The following PLXNB2 variants were observed in gnomAD, a reference collection of about 807,000 sequenced individuals.
PLXNB2 encodes plexin-B2.
PLXNB2 carries 85 observed loss-of-function variants against 202.6 expected under a neutral mutation model. That is an observed-to-expected ratio of 0.42 (90% CI 0.35 to 0.50). The LOEUF (loss-of-function observed/expected upper bound fraction) is 0.50, where lower values mean the gene tolerates loss of function less well. Among genes scored for constraint, PLXNB2 ranks in the 20% least tolerant of loss-of-function variants. PLXNB2 has a pLI of 0.02. For missense variants in PLXNB2, 2,063 were observed against 2,586.2 expected (o/e 0.80, Z 4.39); for synonymous variants, 1,239 against 1,137.6 (o/e 1.09, Z -1.79).
intron 34 of PLXNB2, 51 bp from the exon 35 acceptor site, chr22:50,276,755 G>A: frequency 1.3e-6 from 2 of 1,597,968 alleles, no homozygotes; most frequent in Non-Finnish European, 8.6e-7. Context: ...CCACAAAGGG[G>A]GTGGTGGGGG....
chr22:50,279,905 G>A (rs2147354170), intron 26 of PLXNB2, 100 bp downstream of exon 26: 5 of 1,398,530 alleles, frequency 3.6e-6, no homozygotes, highest in East Asian at 2.3e-5. Context: ...TGTCCAGGCA[G>A]GGCCCACCTC....
rs1170507545 is a variant in PLXNB2, at chr22:50,278,168, C to T, written c.4836G>A (p.Glu1612=). Residue 1612 remains glutamate (E), a synonymous_variant, in exon 31 of 37, where the codon GAG becomes GAA. Transcript: ENST00000359337. The part of the protein sequence containing the change: ...KSKRGSVKEK[E]RTKAITEIYL... ...AGATCTCGGTGATGGCCTTCGTCCG[C>T]TCCTTCTCTTTCACGCTGCCTCTCT... The T allele has an allele frequency of 6.9e-6, 11 of 1,601,302 alleles. No homozygotes were observed. The highest frequency in any genetic ancestry group is 1.4e-5 in the African/African-American group (1 of 73,930).
At chr22:50,279,508 C>T (rs895385438) in intron 27 of PLXNB2, 122 bp downstream of exon 27, 5 of 975,826 alleles carry the variant, frequency 5.1e-6, no homozygotes, top group Non-Finnish European at 7.8e-6. Flanking sequence ...CAGGCTGTAA[C>T]TCGAATCCAC....
Position 50,291,552 on chromosome 22 carries a change from G to T in PLXNB2, c.-13-955C>A, listed in dbSNP as rs2066871136. Among the ~76,000 whole-genome samples the T allele has an allele frequency of 6.6e-6, 1 of 152,100 alleles. No homozygotes were observed. Among genetic ancestry groups the T allele is most frequent in the African/African-American group, 2.4e-5 (1 of 41,410 alleles). On this transcript the variant is annotated intron_variant, in intron 2 of 36. Coordinates refer to ENST00000359337, the MANE Select transcript of PLXNB2 (RefSeq NM_012401.4). The surrounding 1 kb of genome is among the most constrained non-coding windows in gnomAD (Gnocchi z 4.3). ...AGGAGGAAGATCCAAGGCCCCACAG[G>T]TGGACCCAGGACATGCGTGGTCCTC...
In PLXNB2 at chr22:50,278,501, G is replaced by C; in HGVS notation, c.4666C>G (p.Leu1556Val). 1 of 1,566,128 alleles carries C rather than the reference G, an allele frequency of 6.4e-7. No individual in the cohort carries two copies. ...MHYNVRDGAT[L>V]ILSKVGVSQQ... Reference sequence around the variant, plus strand: ...GAGACCCCCACCTTGGACAGGATGAGGGTGGCTCCATCCCGGACCTGGGGA... The same window carrying C: ...GAGACCCCCACCTTGGACAGGATGACGGTGGCTCCATCCCGGACCTGGGGA... Residue 1556 changes from leucine (L) to valine (V), a missense_variant, in exon 30 of 37, where the codon CTC becomes GTC. Transcript: ENST00000359337.
chr22:50,276,057 C>T (rs1026394421), intron 35 of PLXNB2, 94 bp from the exon 36 acceptor site: 34 of 1,241,524 alleles, frequency 2.7e-5, no homozygotes, highest in Admixed American at 1.4e-4. Flanking sequence ...GAGGCCTCCC[C>T]GGGGAAGCAG....
intron 27 of PLXNB2, 48 bp from the exon 28 acceptor site, chr22:50,279,059 C>T: frequency 6.5e-7 from 1 of 1,541,942 alleles, no homozygotes; most frequent in Non-Finnish European, 8.8e-7. Context: ...CTGCTCTTAC[C>T]TGCACCATGC....
At chr22:50,282,510 G>A (rs1601695675) in intron 18 of PLXNB2, 197 bp from the exon 19 acceptor site, 1 of 681,108 alleles carries the variant, frequency 1.5e-6, no homozygotes, top group Non-Finnish European at 2.4e-6. Flanking sequence ...GGCACACGGG[G>A]CCTGGTGAGC....
chr22:50,283,311 G>A (rs1278800109), intron 16 of PLXNB2, 26 bp downstream of exon 16: 1 of 1,610,490 alleles, frequency 6.2e-7, no homozygotes. Context: ...CCCGGGTTCG[G>A]CAGGTCCCCG....
rs555390585 is a variant in PLXNB2 at position 50,293,544 on chromosome 22, C to T, written c.-14+1175G>A. ...CCCAGCTCGCTCACCCGGCCCAGCT[C>T]GGTGGCAGTGGCAGAGGCAGCCTCA... On this transcript the variant is annotated intron_variant, in intron 2 of 36. Coordinates refer to ENST00000359337, the MANE Select transcript of PLXNB2 (RefSeq NM_012401.4). Among the ~76,000 whole-genome samples the T allele has an allele frequency of 1.5e-3, 231 of 152,320 alleles. 2 individuals carry two copies. Among genetic ancestry groups the T allele is most frequent in the African/African-American group, 5.2e-3 (217 of 41,580 alleles).
rs2066886227 is a variant in PLXNB2, at chr22:50,291,774, C to T, written c.-13-1177G>A. Among the ~76,000 whole-genome samples, 1 of 152,144 alleles carries T rather than the reference C, an allele frequency of 6.6e-6. No individual in the cohort carries two copies. The highest frequency in any genetic ancestry group is 1.5e-5 in the Non-Finnish European group (1 of 68,002). On this transcript the variant is annotated intron_variant, in intron 2 of 36. Coordinates refer to ENST00000359337, the MANE Select transcript of PLXNB2 (RefSeq NM_012401.4). This position sits in a 1 kb window ranked among gnomAD's most constrained non-coding sequence, Gnocchi z 4.3. ...CCCCTCCTCATGCTCACAACCACCC[C>T]CACTCCTGGGCCCACCATCATCTTC...
intron 2 of PLXNB2, among the ~76,000 whole-genome samples, 177 bp from the exon 3 acceptor site, chr22:50,290,774 C>T (rs996028952): frequency 4.6e-5 from 7 of 152,200 alleles, no homozygotes; most frequent in Non-Finnish European, 8.8e-5. Context: ...CTCGAGGTCT[C>T]GCCGGAGACC....
In PLXNB2 at chr22:50,284,292, C is replaced by CT; in HGVS notation, c.2182-80dup. 7.4e-7 allele frequency: 1 copy of CT among 1,343,764 alleles called. No individual in the cohort carries two copies. The highest frequency in any genetic ancestry group is 1.1e-6 in the Non-Finnish European group (1 of 941,250). The allele number at this position is 1,343,764 out of a possible 1,614,324, so 83.2% of individuals were successfully genotyped here. A position where few individuals can be genotyped will look rare whatever the true frequency, so the allele number is the denominator to read the frequency against. ...GGCGGGGGTCACAAGGGCAGCCTCC[C>CT]TGTGGCCACCGGGTCCCTTCCCAGC... is the stretch of plus-strand genomic sequence containing the variant. On this transcript the variant is annotated intron_variant, in intron 12 of 36. Coordinates refer to ENST00000359337, the MANE Select transcript of PLXNB2 (RefSeq NM_012401.4). This position sits in a 1 kb window ranked among gnomAD's most constrained non-coding sequence, Gnocchi z 8.0.
chr22:50,292,584 T>A (rs890857806), intron 2 of PLXNB2, among the ~76,000 whole-genome samples: 4 of 152,070 alleles, frequency 2.6e-5, no homozygotes, highest in African/African-American at 9.7e-5. Flanking sequence ...TCTCCACCCT[T>A]TTGACAACCC....
At chr22:50,283,492 CACACCCTG>C (rs767380284) in intron 15 of PLXNB2, 47 bp from the exon 16 acceptor site, 2 of 1,575,178 alleles carry the variant, frequency 1.3e-6, no homozygotes, top group African/African-American at 2.7e-5. Flanking sequence ...CGACCCACCC[CACACCCTG>C]ACACCCTCAC....
At position 50,291,792 on chromosome 22, in the gene PLXNB2, T is replaced by C. The variant is rs1026642119; in HGVS notation, c.-13-1195A>G. Among the ~76,000 whole-genome samples the C allele has an allele frequency of 5.9e-5, 9 of 152,098 alleles. No homozygotes were observed. Among genetic ancestry groups the C allele is most frequent in the Non-Finnish European group, 1.2e-4 (8 of 68,000 alleles). On this transcript the variant is annotated intron_variant, in intron 2 of 36. Coordinates refer to ENST00000359337, the MANE Select transcript of PLXNB2 (RefSeq NM_012401.4). The surrounding 1 kb of genome is among the most constrained non-coding windows in gnomAD (Gnocchi z 4.3). Reference sequence around the variant, plus strand: ...ACCACCCCCACTCCTGGGCCCACCATCATCTTCCCTGAGTGCACCAGTACG... The same window carrying C: ...ACCACCCCCACTCCTGGGCCCACCACCATCTTCCCTGAGTGCACCAGTACG...
intron 27 of PLXNB2, among the ~76,000 whole-genome samples, chr22:50,279,402 G>A (rs1237938446): frequency 2.0e-5 from 3 of 152,220 alleles, no homozygotes; most frequent in Non-Finnish European, 4.4e-5. Context: ...AGGAGGTGGG[G>A]GCGCCCGGGA....
intron 15 of PLXNB2, 71 bp downstream of exon 15, chr22:50,283,531 C>T: frequency 6.4e-7 from 1 of 1,559,588 alleles, no homozygotes; most frequent in Non-Finnish European, 8.7e-7. Flanking sequence ...TCCCCACCCA[C>T]CCAGTCACCC....
chr22:50,305,002 G>A (rs1034068925), intron 1 of PLXNB2, among the ~76,000 whole-genome samples: 9 of 152,258 alleles, frequency 5.9e-5, no homozygotes, highest in African/African-American at 2.2e-4. Context: ...GGAGGCATGA[G>A]CTGAGTGAGA....
Sources: gnomAD v4.1 joint callset for allele counts (sites outside exome capture counted in the v4.1 genomes callset) on GRCh38, gnomAD v4.1.1 for gene constraint, Gnocchi (gnomAD v3.1) non-coding constraint, MANE v1.5 for transcripts, NCBI Gene and HGNC (gene_info 2026-07-23, HGNC 2026-07-21) for gene names.